The following FOXP2 variants were observed in gnomAD, a reference collection of about 807,000 sequenced individuals.
FOXP2 encodes forkhead box protein P2.
In FOXP2, 12 loss-of-function variants were observed where a neutral mutation model predicts 115.8. That is an observed-to-expected ratio of 0.10 (90% CI 0.07 to 0.17). The LOEUF (loss-of-function observed/expected upper bound fraction) is 0.17, where lower values mean the gene tolerates loss of function less well. FOXP2 is among the 10% of genes least tolerant of loss of function. The pLI, the probability that FOXP2 is intolerant of heterozygous loss-of-function variation, is 1.00. For synonymous variants in FOXP2, 328 were observed against 297.7 expected (o/e 1.10, Z -1.05); for missense variants, 629 against 843.5 (o/e 0.75, Z 3.15).
intron 2 of FOXP2, among the ~76,000 whole-genome samples, chr7:114,347,949 A>G (rs1584655560): frequency 6.6e-6 from 1 of 152,200 alleles, no homozygotes; most frequent in African/African-American, 2.4e-5. Context: ...CTAAATGGTA[A>G]AACAATTTTA....
intron 2 of FOXP2, among the ~76,000 whole-genome samples, chr7:114,347,012 G>T (rs183299685): frequency 3.6e-4 from 55 of 151,814 alleles, no homozygotes; most frequent in Admixed American, 1.6e-3. Flanking sequence ...GAATTACAAG[G>T]TATCAATTAA....
chr7:114,370,515 T>A (rs1350742744), intron 2 of FOXP2, among the ~76,000 whole-genome samples: 3 of 152,214 alleles, frequency 2.0e-5, no homozygotes, highest in Non-Finnish European at 4.4e-5. Context: ...CAACATGATG[T>A]CTGAGCCTGG....
chr7:114,612,319 C>G (rs768461674), intron 3 of FOXP2, among the ~76,000 whole-genome samples: 2 of 125,286 alleles, frequency 1.6e-5, no homozygotes, highest in Non-Finnish European at 3.4e-5. Flanking sequence ...GGAAGAATAA[C>G]TAGTAATGTC....
intron 3 of FOXP2, among the ~76,000 whole-genome samples, chr7:114,602,622 C>A (rs948410237): frequency 3.3e-5 from 5 of 151,926 alleles, no homozygotes; most frequent in African/African-American, 1.2e-4. Context: ...CATTTCACCC[C>A]CAAAGCCTCC....
chr7:114,162,286 T>G (rs1296256663), upstream of FOXP2, among the ~76,000 whole-genome samples: 1 of 152,104 alleles, frequency 6.6e-6, no homozygotes, highest in East Asian at 1.9e-4. Flanking sequence ...ATCTTGTAAA[T>G]TTGTTTGAGA....
At chr7:114,298,842 G>A (rs532363707) in intron 2 of FOXP2, among the ~76,000 whole-genome samples, 24 of 152,222 alleles carry the variant, frequency 1.6e-4, no homozygotes, top group Non-Finnish European at 2.8e-4. Flanking sequence ...CAACATAGTC[G>A]AAATCAGTTA....
At chr7:114,405,224 A>T (rs1198575195) in intron 2 of FOXP2, among the ~76,000 whole-genome samples, 1 of 151,908 alleles carries the variant, frequency 6.6e-6, no homozygotes, top group Non-Finnish European at 1.5e-5. Context: ...TGAAAAACAG[A>T]TATGTAATTT....
chr7:114,528,973 T>C (rs1270950302), intron 2 of FOXP2, among the ~76,000 whole-genome samples: 1 of 151,968 alleles, frequency 6.6e-6, no homozygotes, highest in Non-Finnish European at 1.5e-5. Context: ...CTAATTTATC[T>C]TTACCTTTCA....
chr7:114,382,706 G>A (rs1477794121), intron 2 of FOXP2, among the ~76,000 whole-genome samples: 2 of 152,056 alleles, frequency 1.3e-5, no homozygotes, highest in Non-Finnish European at 2.9e-5. Flanking sequence ...TGGGCCTAAG[G>A]CAGACTTTTG....
chr7:114,135,748 T>G (rs2129146190), intron 1 of FOXP2, among the ~76,000 whole-genome samples: 1 of 152,236 alleles, frequency 6.6e-6, no homozygotes, highest in South Asian at 2.1e-4. Context: ...TTGAAAAATT[T>G]GTAGTTACAA....
chr7:114,422,807 T>A (rs1321235668), intron 1 of FOXP2, among the ~76,000 whole-genome samples: 1 of 151,722 alleles, frequency 6.6e-6, no homozygotes, highest in Non-Finnish European at 1.5e-5. Flanking sequence ...TGTAACTATC[T>A]CACATGATAC....
chr7:114,221,419 T>C (rs898789562), intron 1 of FOXP2, among the ~76,000 whole-genome samples: 3 of 152,156 alleles, frequency 2.0e-5, no homozygotes, highest in Non-Finnish European at 4.4e-5. Flanking sequence ...GTAACTCCAA[T>C]ATTTTTTTAA....
intron 2 of FOXP2, among the ~76,000 whole-genome samples, chr7:114,373,885 T>C (rs1457941839): frequency 1.3e-5 from 2 of 152,226 alleles, no homozygotes; most frequent in Non-Finnish European, 2.9e-5. Flanking sequence ...GAATGGGTTA[T>C]AAGTAGCAGA....
chr7:114,637,867 TC>T (rs1311303031), intron 6 of FOXP2, among the ~76,000 whole-genome samples: 4 of 152,096 alleles, frequency 2.6e-5, no homozygotes, highest in African/African-American at 9.7e-5. Flanking sequence ...TGCCTTAGTG[TC>T]CCCATCTCTA....
chr7:114,402,798 T>TTTTG (rs1047265630), intron 2 of FOXP2, among the ~76,000 whole-genome samples: 3 of 151,938 alleles, frequency 2.0e-5, no homozygotes, highest in East Asian at 3.9e-4. Flanking sequence ...GGATATTGAT[T>TTTTG]TTTGTTTGTT....
chr7:114,430,095 T>C (rs1339305513), intron 2 of FOXP2, among the ~76,000 whole-genome samples: 1 of 151,672 alleles, frequency 6.6e-6, no homozygotes, highest in Non-Finnish European at 1.5e-5. Flanking sequence ...ATTGAAGTTT[T>C]ATGTTGACAT....
chr7:114,194,516 CA>C (rs1793850256), intron 1 of FOXP2, among the ~76,000 whole-genome samples: 3 of 152,010 alleles, frequency 2.0e-5, no homozygotes, highest in African/African-American at 7.2e-5. Context: ...CATGCTTACC[CA>C]AACTGAATTA....
intron 2 of FOXP2, among the ~76,000 whole-genome samples, chr7:114,363,684 G>A (rs555107904): frequency 2.4e-4 from 37 of 151,968 alleles, no homozygotes; most frequent in African/African-American, 8.9e-4. Flanking sequence ...TTTTCATGTT[G>A]CATATTTTTA....
At chr7:114,569,220 G>A (rs1348614935) in intron 3 of FOXP2, among the ~76,000 whole-genome samples, 2 of 151,824 alleles carry the variant, frequency 1.3e-5, no homozygotes, top group Non-Finnish European at 1.5e-5. Flanking sequence ...GGCTTGTTTT[G>A]ATTTTAACGA....
Sources: gnomAD v4.1 joint callset for allele counts (sites outside exome capture counted in the v4.1 genomes callset) on GRCh38, gnomAD v4.1.1 for gene constraint, MANE v1.5 for transcripts, NCBI Gene and HGNC (gene_info 2026-07-23, HGNC 2026-07-21) for gene names.